NARS1: variants seen among roughly 807,000 people sequenced by gnomAD.
NARS1 encodes asparaginyl-tRNA synthetase 1.
NARS1 carries 65 observed loss-of-function variants against 79.2 expected under a neutral mutation model. The ratio of observed to expected loss-of-function variants is 0.82; its 90% CI spans 0.67 to 1.01. NARS1 has a LOEUF of 1.01. NARS1 is among the 50% of genes least tolerant of loss of function. The pLI is 0.00. For missense variants in NARS1, 649 were observed against 673.8 expected, an observed-to-expected ratio of 0.96 and a Z score of 0.41; for synonymous variants, 229 against 238.8, an observed-to-expected ratio of 0.96 and a Z score of 0.38.
rs767146765 is a variant in NARS1 at position 57,602,944 on chromosome 18, C to G, written c.1252-1G>C. On this transcript the variant is annotated splice_acceptor_variant, in intron 11 of 13. Coordinates refer to ENST00000256854, the MANE Select transcript of NARS1 (RefSeq NM_004539.4). LOFTEE classifies it high-confidence loss of function. ...GTCTCTCAGGAGCTTCTGGGATATC[C>G]TGAGGTCAAACAAGACTTCATTAAC... 6.2e-7 allele frequency: 1 copy of G among 1,613,846 alleles called. No homozygotes were observed. Among genetic ancestry groups the G allele is most frequent in the South Asian group, 1.1e-5 (1 of 91,026 alleles).
chr18:57,605,942 T>C lies in NARS1; in HGVS notation c.1166A>G (p.Lys389Arg), dbSNP rs927968477. ...GATAGCATCTGAATAGTTCATCCGT[T>C]TGAAAGGCCGTTTGGGGGGCTGAAA... ...PNFQPPKRPF[K>R]RMNYSDAIVW... The change falls in exon 11 of 14, where the codon AAA (lysine) becomes AGA (arginine). Residue 389 changes from lysine to arginine, a missense_variant. Lys to Arg is a conservative substitution (Grantham distance 26). Transcript: ENST00000256854. 6.8e-6 allele frequency: 11 copies of C among 1,613,456 alleles called. No individual in the cohort carries two copies. In the African/African-American group the frequency reaches 1.1e-4, roughly 16 times the overall value.
At chr18:57,617,351 T>C (rs1381107442) in intron 2 of NARS1, among the ~76,000 whole-genome samples, 2 of 151,532 alleles carry the variant, frequency 1.3e-5, no homozygotes, top group Non-Finnish European at 2.9e-5. Context: ...GGTGGGCGGA[T>C]CACGAGGTCA....
chr18:57,608,384 TGGAGATC>T (rs2051578388), intron 7 of NARS1, among the ~76,000 whole-genome samples: 2 of 123,790 alleles, frequency 1.6e-5, no homozygotes. Flanking sequence ...TTGTGGTGAG[TGGAGATC>T]GCACCACTGC....
intron 7 of NARS1, 69 bp from the exon 8 acceptor site, chr18:57,607,734 TTTTAA>T: frequency 7.7e-7 from 1 of 1,290,970 alleles, no homozygotes; most frequent in South Asian, 1.5e-5. Flanking sequence ...GTATTGAGGA[TTTTAA>T]TTTATGTCAA....
At chr18:57,607,850 C>T (rs897810458) in intron 7 of NARS1, among the ~76,000 whole-genome samples, 185 bp from the exon 8 acceptor site, 2 of 141,398 alleles carry the variant, frequency 1.4e-5, no homozygotes, top group Middle Eastern at 3.8e-3. Flanking sequence ...TAAATACACA[C>T]TCACATACAC....
At chr18:57,617,900 G>A (rs1908122891) in intron 2 of NARS1, among the ~76,000 whole-genome samples, 1 of 142,372 alleles carries the variant, frequency 7.0e-6, no homozygotes. Context: ...GGGTGACAGT[G>A]TGAGACTCCT....
chr18:57,608,280 C>A lies in NARS1; in HGVS notation c.580-615G>T, dbSNP rs183509695. On this transcript the variant is annotated intron_variant, in intron 7 of 13. Coordinates refer to ENST00000256854, the MANE Select transcript of NARS1 (RefSeq NM_004539.4). ...CCTGGCCAACAAGGTGAAACCCCAT[C>A]TCTACTAAAAATACAAAATATTAGC... Among the ~76,000 whole-genome samples, 302 of 151,902 alleles carry A rather than the reference C, an allele frequency of 2.0e-3. 1 individual carries two copies. Among genetic ancestry groups the A allele is most frequent in the African/African-American group, 6.9e-3 (285 of 41,476 alleles).
intron 2 of NARS1, 130 bp downstream of exon 2, chr18:57,620,438 CT>C (rs1347073763): frequency 1.6e-6 from 1 of 630,126 alleles, no homozygotes; most frequent in Non-Finnish European, 2.8e-6. Flanking sequence ...GTATGCATTC[CT>C]TACTTTCCCT....
intron 6 of NARS1, 121 bp downstream of exon 6, chr18:57,611,516 G>T: frequency 1.6e-6 from 1 of 637,404 alleles, no homozygotes; most frequent in Non-Finnish European, 2.6e-6. Flanking sequence ...ACAATGTGAT[G>T]TTTTGATTCA....
intron 2 of NARS1, among the ~76,000 whole-genome samples, chr18:57,619,339 G>A (rs986404894): frequency 6.6e-6 from 1 of 150,632 alleles, no homozygotes; most frequent in Non-Finnish European, 1.5e-5. Flanking sequence ...CACTTTGGGA[G>A]GGTTAATATC....
chr18:57,604,528 A>T (rs2051537970), intron 11 of NARS1, among the ~76,000 whole-genome samples: 1 of 152,234 alleles, frequency 6.6e-6, no homozygotes, highest in Non-Finnish European at 1.5e-5. Flanking sequence ...TTCAACTGTA[A>T]AACAATTAGA....
rs201475419 is a variant in NARS1, at chr18:57,607,186, T to C, written c.949A>G (p.Ile317Val). The change falls in exon 9 of 14, where the codon ATT becomes GTT. Residue 317 changes from isoleucine to valine, a missense_variant. Ile to Val is a conservative substitution (Grantham distance 29). Coordinates refer to ENST00000256854, the MANE Select transcript of NARS1 (RefSeq NM_004539.4). ...CLPALGDVFC[I>V]AQSYRAEQSR... The stretch of plus-strand genomic sequence containing the variant: ...TGCTCTGCCCGGTATGACTGAGCAA[T>C]ACAAAAAACATCTCCCAGGGCTGGG... 1.9e-6 allele frequency: 3 copies of C among 1,614,044 alleles called. No individual in the cohort carries two copies.
Position 57,607,613 on chromosome 18 carries a change from G to C in NARS1, c.632C>G (p.Ala211Gly). ...SCDFWELIGL[A>G]PAGGADNLIN... Reference sequence around the variant, plus strand: ...CAGGTTGTCAGCTCCTCCAGCAGGGGCCAACCCAATTAGTTCCCAGAAGTC... The same window carrying C: ...CAGGTTGTCAGCTCCTCCAGCAGGGCCCAACCCAATTAGTTCCCAGAAGTC... Residue 211 changes from alanine (A) to glycine (G), a missense_variant, in exon 8 of 14, where the codon GCC (alanine) becomes GGC (glycine). By Grantham distance (60) the Ala-to-Gly change is moderately conservative. Transcript: ENST00000256854. The C allele has an allele frequency of 6.2e-7, 1 of 1,614,074 alleles. No homozygotes were observed. Among genetic ancestry groups the C allele is most frequent in the South Asian group, 1.1e-5 (1 of 91,076 alleles).
At chr18:57,616,707 A>C (rs1908042471) in intron 2 of NARS1, among the ~76,000 whole-genome samples, 1 of 152,096 alleles carries the variant, frequency 6.6e-6, no homozygotes, top group South Asian at 2.1e-4. Flanking sequence ...ACAATGGTTA[A>C]GAACACAAAA....
intron 2 of NARS1, 100 bp from the exon 3 acceptor site, chr18:57,616,075 TA>T (rs1460602245): frequency 1.0e-5 from 11 of 1,076,026 alleles, no homozygotes; most frequent in Non-Finnish European, 1.5e-5. Context: ...AATCTAAGCA[TA>T]AAGACCCCAA....
chr18:57,606,046 A>T, intron 10 of NARS1, 76 bp from the exon 11 acceptor site: 2 of 1,001,116 alleles, frequency 2.0e-6, no homozygotes, highest in Non-Finnish European at 3.0e-6. Context: ...CCATTAAAAA[A>T]CTATTATAAA....
At chr18:57,618,289 C>CCAAA (rs1908145109) in intron 2 of NARS1, among the ~76,000 whole-genome samples, 1 of 122,852 alleles carries the variant, frequency 8.1e-6, no homozygotes, top group Non-Finnish European at 1.6e-5. Context: ...AACTCTGTCT[C>CCAAA]AAAAAAAAAA....
At chr18:57,605,709 A>C (rs2051549399) in intron 11 of NARS1, 148 bp downstream of exon 11, 1 of 611,498 alleles carries the variant, frequency 1.6e-6, no homozygotes, top group African/African-American at 1.9e-5. Flanking sequence ...TAACTCAGCG[A>C]ATCTGCAGGC....
intron 2 of NARS1, among the ~76,000 whole-genome samples, chr18:57,619,560 T>C (rs905233292): frequency 6.6e-6 from 1 of 151,966 alleles, no homozygotes; most frequent in Admixed American, 6.6e-5. Context: ...ACCATCTTCC[T>C]TATGTGGCAG....
Sources: gnomAD v4.1 joint callset for allele counts (sites outside exome capture counted in the v4.1 genomes callset) on GRCh38, gnomAD v4.1.1 for gene constraint, MANE v1.5 for transcripts, NCBI Gene and HGNC (gene_info 2026-07-23, HGNC 2026-07-21) for gene names.